PCMTD2: variants seen among roughly 807,000 people sequenced by gnomAD.
PCMTD2 encodes the protein protein-L-isoaspartate (D-aspartate) O-methyltransferase domain containing 2.
In PCMTD2, 16 loss-of-function variants were observed where a neutral mutation model predicts 33.4. The observed-to-expected ratio is 0.48, with a 90% CI of 0.32 to 0.73. PCMTD2 has a LOEUF of 0.73. Among genes scored for constraint, PCMTD2 ranks in the 30% least tolerant of loss-of-function variants. The pLI is 0.03. For synonymous variants in PCMTD2, 161 were observed against 160.8 expected, an observed-to-expected ratio of 1.00 and a Z score of -0.01; for missense variants, 374 against 449.9, an observed-to-expected ratio of 0.83 and a Z score of 1.53.
chr20:64,264,786 T>G (rs548482058), intron 3 of PCMTD2, among the ~76,000 whole-genome samples: 7 of 152,254 alleles, frequency 4.6e-5, no homozygotes, highest in Non-Finnish European at 8.8e-5. Flanking sequence ...TACCACCTAG[T>G]TTTTCCTAAA....
intron 4 of PCMTD2, among the ~76,000 whole-genome samples, chr20:64,267,382 T>G (rs1460379116): frequency 6.6e-6 from 1 of 152,208 alleles, no homozygotes; most frequent in Non-Finnish European, 1.5e-5. Flanking sequence ...ATGACAAGTT[T>G]GCATTTAAAA....
chr20:64,273,041 G>A (rs1985969858), intron 5 of PCMTD2, among the ~76,000 whole-genome samples, 180 bp from the exon 6 acceptor site: 1 of 152,148 alleles, frequency 6.6e-6, no homozygotes, highest in Non-Finnish European at 1.5e-5. Context: ...CTTTTGAAAA[G>A]TACCATATGA....
Position 64,265,339 on chromosome 20 carries a change from C to T in PCMTD2, c.492C>T (p.Tyr164=). 1.2e-6 allele frequency: 2 copies of T among 1,613,342 alleles called. No homozygotes were observed. Among genetic ancestry groups the T allele is most frequent in the South Asian group, 1.1e-5 (1 of 91,042 alleles). The part of the protein sequence containing the change: ...SPDCSQYDRV[Y]CGAGVQKEHE... Reference sequence around the variant, plus strand: ...ATTGTTCTCAGTATGATCGTGTATACTGTGGGGCTGGCGTGCAGAAAGAGC... The same window carrying T: ...ATTGTTCTCAGTATGATCGTGTATATTGTGGGGCTGGCGTGCAGAAAGAGC... The change falls in exon 4 of 6, where the codon TAC becomes TAT. Residue 164 remains tyrosine, a synonymous_variant. Transcript: ENST00000308824.
At position 64,276,009 on chromosome 20, in the gene PCMTD2, TC is replaced by T. The variant is rs2145773284; in HGVS notation, c.*2410del. The T allele has an allele frequency of 6.6e-6, 1 of 152,354 alleles. No homozygotes were observed. Among genetic ancestry groups the T allele is most frequent in the African/African-American group, 2.4e-5 (1 of 41,582 alleles). 9.4% of individuals were successfully genotyped at this position (152,354 alleles called of 1,614,324 possible). On this transcript the variant is annotated 3_prime_UTR_variant, in exon 6 of 6. Transcript: ENST00000308824. ...ACACAAATCATGTCAATAAAGGTAG[TC>T]AGGATATTTTATCCTTAGCATTGCT...
rs1319030928 is a variant in PCMTD2, at chr20:64,273,562, C to G, written c.1048C>G (p.Pro350Ala). The G allele has an allele frequency of 6.5e-7, 1 of 1,531,492 alleles. No individual in the cohort carries two copies. The highest frequency in any genetic ancestry group is 8.7e-7 in the Non-Finnish European group (1 of 1,144,262). 94.9% of individuals were successfully genotyped at this position (1,531,492 alleles called of 1,614,324 possible). Residue 350 changes from proline to alanine, a missense_variant, in exon 6 of 6, where the codon CCC becomes GCC. Transcript: ENST00000308824. ...QKVLSLPLPD[P>A]LKYYLLYYRE... ...GGTCCTGAGCCTCCCTCTGCCAGAT[C>G]CCCTGAAATACTACTTGCTTTATTA...
At position 64,260,106 on chromosome 20, in the gene PCMTD2, A is replaced by G. The variant is rs1269463729; in HGVS notation, c.141A>G (p.Lys47=). Residue 47 remains lysine (K), a synonymous_variant, in exon 2 of 6, where the codon AAA becomes AAG. Transcript: ENST00000308824. ...CAGACTATTATCTTGAAGAATTTAA[A>G]GAAAATGCTTATAAAGACTTGGCAT... ...DRADYYLEEF[K]ENAYKDLAWK... The G allele has an allele frequency of 6.2e-7, 1 of 1,613,818 alleles. No individual in the cohort carries two copies. Among genetic ancestry groups the G allele is most frequent in the Non-Finnish European group, 8.5e-7 (1 of 1,179,686 alleles).
intron 4 of PCMTD2, among the ~76,000 whole-genome samples, chr20:64,266,007 G>A (rs1331316743): frequency 1.3e-5 from 2 of 152,132 alleles, no homozygotes; most frequent in Admixed American, 6.5e-5. Flanking sequence ...TCACCAAGAA[G>A]AATGTCTCCC....
intron 2 of PCMTD2, among the ~76,000 whole-genome samples, chr20:64,261,490 G>A (rs1490809066): frequency 2.0e-5 from 3 of 152,140 alleles, no homozygotes; most frequent in African/African-American, 7.2e-5. Context: ...TCGGAGGATC[G>A]CTTGATCGCT....
chr20:64,272,277 C>T (rs1243199631), intron 5 of PCMTD2: 1 of 333,772 alleles, frequency 3.0e-6, no homozygotes, highest in East Asian at 7.1e-5. Context: ...ATAGTGCAGA[C>T]TGTTATTATT....
At chr20:64,258,010 T>C (rs1477961704) in intron 1 of PCMTD2, among the ~76,000 whole-genome samples, 1 of 152,258 alleles carries the variant, frequency 6.6e-6, no homozygotes, top group Non-Finnish European at 1.5e-5. Flanking sequence ...GAGTTCAAAA[T>C]AAGTGATAGT....
chr20:64,263,166 G>A (rs1470720681), intron 2 of PCMTD2, among the ~76,000 whole-genome samples: 3 of 152,186 alleles, frequency 2.0e-5, no homozygotes, highest in Admixed American at 6.5e-5. Context: ...TTTGGTCTCT[G>A]GCAGAGTCGG....
intron 1 of PCMTD2, chr20:64,256,717 C>T (rs1985184686): frequency 1.3e-5 from 2 of 152,206 alleles, no homozygotes; most frequent in Admixed American, 1.3e-4. Flanking sequence ...CGATCCAGGG[C>T]CTTGCTCCCT....
chr20:64,263,375 G>A (rs1985515428), intron 2 of PCMTD2, among the ~76,000 whole-genome samples: 1 of 152,148 alleles, frequency 6.6e-6, no homozygotes, highest in African/African-American at 2.4e-5. Context: ...GGAAGCCTTG[G>A]CCTGGGCTGG....
chr20:64,262,769 A>G (rs994086220), intron 2 of PCMTD2: 14 of 152,294 alleles, frequency 9.2e-5, no homozygotes, highest in Admixed American at 7.9e-4. Flanking sequence ...GTCATCAACC[A>G]GGGGAGAATA....
At chr20:64,259,195 G>C (rs1470458251) in intron 1 of PCMTD2, among the ~76,000 whole-genome samples, 1 of 152,134 alleles carries the variant, frequency 6.6e-6, no homozygotes, top group African/African-American at 2.4e-5. Flanking sequence ...TTAGAAAAAG[G>C]TATTTGTCAC....
chr20:64,269,884 GTCGTGTGAGTGCGGGCATGCAT>G (rs1985822304), intron 5 of PCMTD2, among the ~76,000 whole-genome samples: 3 of 149,740 alleles, frequency 2.0e-5, no homozygotes, highest in African/African-American at 7.4e-5. Context: ...ATCGTGTGGG[GTCGTGTGAGTGCGGGCATGCAT>G]GGTGTGTGGT....
intron 1 of PCMTD2, among the ~76,000 whole-genome samples, chr20:64,257,711 G>C (rs1257265710): frequency 6.6e-6 from 1 of 152,166 alleles, no homozygotes; most frequent in Non-Finnish European, 1.5e-5. Context: ...TTACCCCATC[G>C]TCAAAAGGTT....
At chr20:64,263,243 A>T (rs547776741) in intron 2 of PCMTD2, among the ~76,000 whole-genome samples, 1 of 152,340 alleles carries the variant, frequency 6.6e-6, no homozygotes, top group South Asian at 2.1e-4. Flanking sequence ...TGTTGTAAAC[A>T]GTGAAAAGGG....
rs1986046607 is a variant in PCMTD2, at chr20:64,274,728, A to G, written c.*1128A>G. 6.6e-6 allele frequency: 1 copy of G among 152,210 alleles called. No individual in the cohort carries two copies. Among genetic ancestry groups the G allele is most frequent in the Non-Finnish European group, 1.5e-5 (1 of 68,038 alleles). The allele number at this position is 152,210 out of a possible 1,614,324, so 9.4% of individuals were successfully genotyped here. On this transcript the variant is annotated 3_prime_UTR_variant, in exon 6 of 6. Transcript: ENST00000308824. Reference sequence around the variant, plus strand: ...ATTGCATGAGAAGAGTGTAACTCACACTGACTTGTGATATCAGCCTTCTCT... The same window carrying G: ...ATTGCATGAGAAGAGTGTAACTCACGCTGACTTGTGATATCAGCCTTCTCT...
Sources: gnomAD v4.1 joint callset for allele counts (sites outside exome capture counted in the v4.1 genomes callset) on GRCh38, gnomAD v4.1.1 for gene constraint, MANE v1.5 for transcripts, NCBI Gene and HGNC (gene_info 2026-07-23, HGNC 2026-07-21) for gene names.